VAPB: variants seen among roughly 807,000 people sequenced by gnomAD.
VAPB encodes VAMP associated protein B and C.
Under a neutral mutation model 25.6 loss-of-function variants are expected in VAPB, and 7 were observed. The observed-to-expected ratio is 0.27, with a 90% CI of 0.16 to 0.51. The LOEUF is 0.51. Ranked by LOEUF, VAPB falls within the 20% of genes least tolerant of loss-of-function variation. The pLI is 0.97. For synonymous variants in VAPB, 112 were observed against 109.2 expected (o/e 1.03, Z -0.16); for missense variants, 266 against 301.3 (o/e 0.88, Z 0.87).
chr20:58,437,846 G>T (rs1004340782), intron 3 of VAPB, among the ~76,000 whole-genome samples: 1 of 152,220 alleles, frequency 6.6e-6, no homozygotes, highest in African/African-American at 2.4e-5. Context: ...CAGATGTATA[G>T]ATTGCTTCCC....
In VAPB at chr20:58,445,622, AT is replaced by A. The variant is rs1568722855; in HGVS notation, c.*1389del. ...ATTTTATCATTTTTATTATTTTGCC[AT>A]TGGAAGGTTAACTTTAAAATGAGCC... On this transcript the variant is annotated 3_prime_UTR_variant, in exon 6 of 6. Transcript: ENST00000475243. 2.2e-6 allele frequency: 1 copy of A among 454,122 alleles called. No homozygotes were observed. Among genetic ancestry groups the A allele is most frequent in the Non-Finnish European group, 4.4e-6 (1 of 226,738 alleles). 28.1% of individuals were successfully genotyped at this position (454,122 alleles called of 1,614,324 possible). A position where few individuals can be genotyped will look rare whatever the true frequency, so the allele number is the denominator to read the frequency against.
intron 1 of VAPB, among the ~76,000 whole-genome samples, chr20:58,412,701 A>G (rs1276499720): frequency 1.3e-5 from 2 of 152,096 alleles, no homozygotes; most frequent in African/African-American, 4.8e-5. Flanking sequence ...TTGAGTTTTC[A>G]GTTCACTGGA....
intron 1 of VAPB, among the ~76,000 whole-genome samples, 183 bp downstream of exon 1, chr20:58,389,700 G>A (rs1987739936): frequency 6.6e-6 from 1 of 152,136 alleles, no homozygotes; most frequent in Admixed American, 6.5e-5. Context: ...CGGAGTGGCC[G>A]GGACCCGAGA....
Position 58,451,025 on chromosome 20 carries a change from C to T in VAPB, c.*6790C>T, listed in dbSNP as rs1157097002. Reference sequence around the variant, plus strand: ...CCATTATCAGCCTGATGAAACCTGCCCTGCCAAGGCATAAACTTTTGTACT... The same window carrying T: ...CCATTATCAGCCTGATGAAACCTGCTCTGCCAAGGCATAAACTTTTGTACT... On this transcript the variant is annotated 3_prime_UTR_variant, in exon 6 of 6. Coordinates refer to ENST00000475243, the MANE Select transcript of VAPB (RefSeq NM_004738.5). The T allele has an allele frequency of 4.4e-6, 2 of 449,632 alleles. No individual in the cohort carries two copies. Among genetic ancestry groups the T allele is most frequent in the Non-Finnish European group, 8.9e-6 (2 of 223,988 alleles). 27.9% of individuals were successfully genotyped at this position (449,632 alleles called of 1,614,324 possible).
At chr20:58,423,858 G>A (rs1382048367) in intron 2 of VAPB, among the ~76,000 whole-genome samples, 6 of 152,166 alleles carry the variant, frequency 3.9e-5, no homozygotes, top group African/African-American at 9.7e-5. Context: ...TACTTTAAAA[G>A]ATGTCTTTAA....
intron 1 of VAPB, among the ~76,000 whole-genome samples, chr20:58,410,803 T>G (rs567250742): frequency 2.1e-4 from 32 of 152,354 alleles, no homozygotes; most frequent in African/African-American, 7.7e-4. Flanking sequence ...TATGCTACCT[T>G]TTCATACTGA....
At position 58,448,229 on chromosome 20, in the gene VAPB, A is replaced by T. The variant is rs760017476; in HGVS notation, c.*3994A>T. 7.9e-5 allele frequency: 36 copies of T among 453,980 alleles called. No homozygotes were observed. The highest frequency in any genetic ancestry group is 1.4e-3 in the Middle Eastern group (2 of 1,466). 28.1% of individuals were successfully genotyped at this position (453,980 alleles called of 1,614,324 possible). A position where few individuals can be genotyped will look rare whatever the true frequency, so the allele number is the denominator to read the frequency against. ...TAGTTCATGACATACAAATCCCATA[A>T]GGCCAACGACCACTCTTCTGGAACA... On this transcript the variant is annotated 3_prime_UTR_variant, in exon 6 of 6. Transcript: ENST00000475243.
chr20:58,440,901 G>T lies in VAPB; in HGVS notation c.397-6G>T. 6.2e-7 allele frequency: 1 copy of T among 1,612,074 alleles called. No homozygotes were observed. The highest frequency in any genetic ancestry group is 1.1e-5 in the South Asian group (1 of 90,624). On this transcript the variant is annotated splice_region_variant and splice_polypyrimidine_tract_variant and intron_variant, in intron 4 of 5. Transcript: ENST00000475243. ...GACACTTAGGCTTTCATTTGTTTTT[G>T]AACAGCATGATGTAGAAATAAATAA...
intron 3 of VAPB, among the ~76,000 whole-genome samples, chr20:58,436,897 A>G (rs1281294882): frequency 6.7e-6 from 1 of 150,324 alleles, no homozygotes; most frequent in Non-Finnish European, 1.5e-5. Flanking sequence ...ATTCAGTATT[A>G]TTATGTGATA....
chr20:58,430,557 G>T (rs1314609735), intron 2 of VAPB, among the ~76,000 whole-genome samples: 1 of 151,814 alleles, frequency 6.6e-6, no homozygotes, highest in East Asian at 1.9e-4. Context: ...GCTGTGCCTG[G>T]CCTGCAAATT....
At position 58,447,666 on chromosome 20, in the gene VAPB, G is replaced by T. The variant is rs1356126579; in HGVS notation, c.*3431G>T. 2 of 431,848 alleles carry T rather than the reference G, an allele frequency of 4.6e-6. No homozygotes were observed. The highest frequency in any genetic ancestry group is 4.7e-6 in the Non-Finnish European group (1 of 214,836). The allele number at this position is 431,848 out of a possible 1,614,324, so 26.8% of individuals were successfully genotyped here. On this transcript the variant is annotated 3_prime_UTR_variant, in exon 6 of 6. Transcript: ENST00000475243. ...AAACAGACTCTGTGTGTGTGTGCAT[G>T]TGTGCATGTGTGCATGTGTGGCATA...
intron 2 of VAPB, chr20:58,432,445 G>T (rs191192829): frequency 1.3e-5 from 2 of 152,140 alleles, no homozygotes; most frequent in African/African-American, 2.4e-5. Context: ...CTAGATCTGT[G>T]CCCTGCCAAA....
At chr20:58,434,499 G>T in intron 2 of VAPB, 103 bp from the exon 3 acceptor site, 1 of 722,682 alleles carries the variant, frequency 1.4e-6, no homozygotes, top group East Asian at 2.7e-5. Context: ...AGACATAAGA[G>T]AATGCCGGTA....
In VAPB at chr20:58,450,392, G is replaced by A. The variant is rs1448943651; in HGVS notation, c.*6157G>A. 1 of 453,730 alleles carries A rather than the reference G, an allele frequency of 2.2e-6. No individual in the cohort carries two copies. Among genetic ancestry groups the A allele is most frequent in the Non-Finnish European group, 4.4e-6 (1 of 226,730 alleles). 28.1% of individuals were successfully genotyped at this position (453,730 alleles called of 1,614,324 possible). A position where few individuals can be genotyped will look rare whatever the true frequency, so the allele number is the denominator to read the frequency against. On this transcript the variant is annotated 3_prime_UTR_variant, in exon 6 of 6. Coordinates refer to ENST00000475243, the MANE Select transcript of VAPB (RefSeq NM_004738.5). ...TATATGAGGTGCTGCGAAATTAGTG[G>A]GCGTGGCTTTTTATATTTTTCATTC...
In VAPB at chr20:58,449,839, C is replaced by T. The variant is rs752719700; in HGVS notation, c.*5604C>T. 1.2e-4 allele frequency: 55 copies of T among 453,986 alleles called. No homozygotes were observed. The highest frequency in any genetic ancestry group is 2.4e-4 in the Non-Finnish European group (54 of 226,794). 28.1% of individuals were successfully genotyped at this position (453,986 alleles called of 1,614,324 possible). ...TTCCTGCTTGCATTCTGATGAGCTG[C>T]AGGAGTGCGCCTGGCCTTCTGCAGG... On this transcript the variant is annotated 3_prime_UTR_variant, in exon 6 of 6. Coordinates refer to ENST00000475243, the MANE Select transcript of VAPB (RefSeq NM_004738.5).
chr20:58,410,073 A>G (rs1400937482), intron 1 of VAPB, among the ~76,000 whole-genome samples: 1 of 152,182 alleles, frequency 6.6e-6, no homozygotes, highest in African/African-American at 2.4e-5. Flanking sequence ...AGTTTAGAAC[A>G]GTTTTAGGTT....
chr20:58,438,140 C>T (rs1989087978), intron 3 of VAPB, among the ~76,000 whole-genome samples: 1 of 152,116 alleles, frequency 6.6e-6, no homozygotes, highest in East Asian at 1.9e-4. Flanking sequence ...CCACACACTG[C>T]CACAGTGACA....
chr20:58,450,372 G>A lies in VAPB; in HGVS notation c.*6137G>A, dbSNP rs1198536663. 2.2e-6 allele frequency: 1 copy of A among 453,976 alleles called. No homozygotes were observed. Among genetic ancestry groups the A allele is most frequent in the East Asian group, 6.9e-5 (1 of 14,390 alleles). 28.1% of individuals were successfully genotyped at this position (453,976 alleles called of 1,614,324 possible). On this transcript the variant is annotated 3_prime_UTR_variant, in exon 6 of 6. Transcript: ENST00000475243. ...ACCCTCTGTCTGTTTGCTACTATAT[G>A]AGGTGCTGCGAAATTAGTGGGCGTG...
chr20:58,408,672 C>CA (rs1367647281), intron 1 of VAPB, among the ~76,000 whole-genome samples: 1 of 151,936 alleles, frequency 6.6e-6, no homozygotes, highest in Non-Finnish European at 1.5e-5. Context: ...GCATTATTGA[C>CA]ACAGTGAGCA....
Sources: allele counts gnomAD v4.1 joint callset (sites outside exome capture counted in the v4.1 genomes callset), GRCh38; gene constraint gnomAD v4.1.1; transcripts MANE v1.5; gene names NCBI Gene and HGNC (gene_info 2026-07-23, HGNC 2026-07-21).